Variants in SNTB1 observed in about 807,000 individuals in gnomAD.
SNTB1 encodes the protein syntrophin beta 1.
Under a neutral mutation model 48.9 loss-of-function variants are expected in SNTB1, and 36 were observed. That is an observed-to-expected ratio of 0.74 (90% confidence interval 0.56 to 0.97). The LOEUF (loss-of-function observed/expected upper bound fraction) is 0.97. SNTB1 is among the 50% of genes least tolerant of loss of function. SNTB1 has a pLI of 0.00. For missense variants in SNTB1, 786 were observed against 703.4 expected (o/e 1.12, Z -1.33); for synonymous variants, 299 against 294.6 (o/e 1.01, Z -0.15).
At chr8:120,729,252 G>A (rs1818813365) in intron 1 of SNTB1, among the ~76,000 whole-genome samples, 1 of 152,168 alleles carries the variant, frequency 6.6e-6, no homozygotes, top group Non-Finnish European at 1.5e-5. Context: ...TCAAAGTGCT[G>A]GGATTACAGG....
intron 3 of SNTB1, among the ~76,000 whole-genome samples, chr8:120,629,622 A>G (rs937484284): frequency 1.3e-5 from 2 of 152,216 alleles, no homozygotes; most frequent in African/African-American, 4.8e-5. Context: ...AAAACCATTC[A>G]TATATCTGCA....
At chr8:120,597,119 GA>G (rs1816340410) in intron 3 of SNTB1, among the ~76,000 whole-genome samples, 1 of 152,232 alleles carries the variant, frequency 6.6e-6, no homozygotes, top group African/African-American at 2.4e-5. Context: ...ATTTCAGATA[GA>G]TGAGCAGAAG....
At chr8:120,560,313 T>C (rs1815630966) in intron 4 of SNTB1, among the ~76,000 whole-genome samples, 1 of 152,120 alleles carries the variant, frequency 6.6e-6, no homozygotes, top group Non-Finnish European at 1.5e-5. Flanking sequence ...CGAAACCCTG[T>C]CTCTACTAAA....
intron 2 of SNTB1, among the ~76,000 whole-genome samples, chr8:120,675,297 G>T (rs1817817682): frequency 6.6e-6 from 1 of 152,144 alleles, no homozygotes; most frequent in African/African-American, 2.4e-5. Context: ...AGAATTACTG[G>T]TGTTTCTCAG....
At chr8:120,552,649 A>G (rs1030657499) in intron 4 of SNTB1, among the ~76,000 whole-genome samples, 1 of 152,132 alleles carries the variant, frequency 6.6e-6, no homozygotes, top group Non-Finnish European at 1.5e-5. Context: ...GGCCAAAGGA[A>G]GCTTTTAGAG....
At chr8:120,584,700 C>T (rs1255963776) in intron 3 of SNTB1, among the ~76,000 whole-genome samples, 3 of 151,994 alleles carry the variant, frequency 2.0e-5, no homozygotes, top group African/African-American at 7.3e-5. Flanking sequence ...GACCCCAGTA[C>T]CTCAGAATGT....
chr8:120,687,572 C>A (rs1305969661), intron 2 of SNTB1, among the ~76,000 whole-genome samples: 1 of 152,204 alleles, frequency 6.6e-6, no homozygotes, highest in African/African-American at 2.4e-5. Flanking sequence ...TTCCTAAGGT[C>A]TATTAGCACA....
chr8:120,803,022 A>C (rs895209020), intron 1 of SNTB1, among the ~76,000 whole-genome samples: 2 of 136,756 alleles, frequency 1.5e-5, no homozygotes, highest in Non-Finnish European at 3.1e-5. Context: ...AAAAAACAAC[A>C]AAAAAAAAAC....
In SNTB1 at chr8:120,772,392, C is replaced by T. The variant is rs565169408; in HGVS notation, c.571+38881G>A. Among the ~76,000 whole-genome samples the T allele has an allele frequency of 8.1e-4, 123 of 151,476 alleles. 4 individuals carry two copies. In the South Asian group the frequency reaches 0.024, roughly 30 times the overall value. On this transcript the variant is annotated intron_variant, in intron 1 of 6. Coordinates refer to ENST00000517992, the MANE Select transcript of SNTB1 (RefSeq NM_021021.4). ...TCCTGAGTAACTAGGATTATAGGTG[C>T]GCACCACCACACCCAGCTAATTATT...
intron 4 of SNTB1, among the ~76,000 whole-genome samples, chr8:120,562,484 G>T (rs149396045): frequency 3.8e-4 from 58 of 152,260 alleles, no homozygotes; most frequent in African/African-American, 1.3e-3. Context: ...AGATCACTAG[G>T]TATATGGGGA....
intron 3 of SNTB1, among the ~76,000 whole-genome samples, chr8:120,575,573 G>A (rs1049935468): frequency 2.6e-5 from 4 of 152,150 alleles, no homozygotes; most frequent in African/African-American, 7.2e-5. Context: ...TGGTACAGTA[G>A]CATTTTTTTT....
chr8:120,607,815 C>T (rs1816549011), intron 3 of SNTB1, among the ~76,000 whole-genome samples: 1 of 152,206 alleles, frequency 6.6e-6, no homozygotes, highest in African/African-American at 2.4e-5. Flanking sequence ...TGCTACAGAA[C>T]TCCACAGGTG....
At chr8:120,654,788 A>G (rs1238273942) in intron 2 of SNTB1, 2 of 314,754 alleles carry the variant, frequency 6.4e-6, no homozygotes, top group South Asian at 5.1e-5. Context: ...GTTTAGAAAC[A>G]TGAGGCTAAT....
At chr8:120,811,218 A>G in intron 1 of SNTB1, 55 bp downstream of exon 1, 2 of 1,526,042 alleles carry the variant, frequency 1.3e-6, no homozygotes, top group Non-Finnish European at 1.7e-6. Context: ...TGCGGGTGGG[A>G]AGCCGAGCAG....
At chr8:120,670,054 T>C (rs1448940681) in intron 2 of SNTB1, among the ~76,000 whole-genome samples, 1 of 152,202 alleles carries the variant, frequency 6.6e-6, no homozygotes, top group Non-Finnish European at 1.5e-5. Flanking sequence ...TCCTAGAAAG[T>C]ATAGGTCTAG....
chr8:120,606,759 A>C (rs1587025743), intron 3 of SNTB1, among the ~76,000 whole-genome samples: 1 of 152,176 alleles, frequency 6.6e-6, no homozygotes, highest in African/African-American at 2.4e-5. Flanking sequence ...AATTCTAAAG[A>C]CCTATACAAA....
chr8:120,571,112 A>G, intron 4 of SNTB1: 1 of 815,664 alleles, frequency 1.2e-6, no homozygotes, highest in Non-Finnish European at 1.6e-6. Flanking sequence ...TGAATGAAAA[A>G]GCAGTCCCCA....
At position 120,538,694 on chromosome 8, in the gene SNTB1, G is replaced by A; in HGVS notation, c.*183C>T. 1.5e-6 allele frequency: 1 copy of A among 678,826 alleles called. No homozygotes were observed. The allele number at this position is 678,826 out of a possible 1,614,324, so 42.1% of individuals were successfully genotyped here. A position where few individuals can be genotyped will look rare whatever the true frequency, so the allele number is the denominator to read the frequency against. ...GATATTTCTCATGGTACTTTCGCAG[G>A]GTATCCCTTGTAGTTGCTGAAACTG... On this transcript the variant is annotated 3_prime_UTR_variant, in exon 7 of 7. Coordinates refer to ENST00000517992, the MANE Select transcript of SNTB1 (RefSeq NM_021021.4).
At chr8:120,801,827 T>G (rs73707128) in intron 1 of SNTB1, among the ~76,000 whole-genome samples, 3,898 of 152,196 alleles carry the variant, frequency 0.026, 169 homozygotes, top group African/African-American at 0.09. Flanking sequence ...CTATCTAAAC[T>G]TTTTTAAAAA....
Sources: gnomAD v4.1 joint callset for allele counts (sites outside exome capture counted in the v4.1 genomes callset) on GRCh38, gnomAD v4.1.1 for gene constraint, MANE v1.5 for transcripts, NCBI Gene and HGNC (gene_info 2026-07-23, HGNC 2026-07-21) for gene names.